The following DNAH3 variants were observed in gnomAD, a reference collection of about 807,000 sequenced individuals.
DNAH3 encodes dynein axonemal heavy chain 3.
In DNAH3, 332 loss-of-function variants were observed where a neutral mutation model predicts 432.5. The ratio of observed to expected loss-of-function variants is 0.77; its 90% CI spans 0.70 to 0.84. The LOEUF (loss-of-function observed/expected upper bound fraction) is 0.84. Ranked by LOEUF, DNAH3 falls within the 40% of genes least tolerant of loss-of-function variation. The probability of loss-of-function intolerance (pLI) is 0.00; values close to 1 mark genes in which losing one functional copy is unlikely to be tolerated. For missense variants in DNAH3, 4,861 were observed against 5,114.0 expected (o/e 0.95, Z 1.51); for synonymous variants, 1,956 against 1,900.2 (o/e 1.03, Z -0.76).
At chr16:21,037,071 G>A (rs1032813618) in intron 34 of DNAH3, among the ~76,000 whole-genome samples, 1 of 152,198 alleles carries the variant, frequency 6.6e-6, no homozygotes, top group Non-Finnish European at 1.5e-5. Flanking sequence ...CACTTTGGGT[G>A]ACCGAGGTGG....
At chr16:21,014,932 A>C (rs550427378) in intron 41 of DNAH3, among the ~76,000 whole-genome samples, 8 of 126,950 alleles carry the variant, frequency 6.3e-5, no homozygotes, top group African/African-American at 2.7e-4. Context: ...CCAAAGAAAT[A>C]AAAAACAGTC....
exon 15 of DNAH3, chr16:21,106,601 G>A: frequency 6.2e-7 from 1 of 1,610,844 alleles, no homozygotes; most frequent in Non-Finnish European, 8.5e-7. Flanking sequence ...AATTCAATGA[G>A]GGATACCAGC....
intron 29 of DNAH3, 62 bp downstream of exon 29, chr16:21,051,608 C>G: frequency 6.4e-7 from 1 of 1,550,758 alleles, no homozygotes; most frequent in Non-Finnish European, 8.9e-7. Flanking sequence ...CTTTCCTCCC[C>G]AGAGTCTTCT....
chr16:21,073,311 T>C (rs2090859864), intron 21 of DNAH3, among the ~76,000 whole-genome samples: 1 of 152,166 alleles, frequency 6.6e-6, no homozygotes, highest in Non-Finnish European at 1.5e-5. Flanking sequence ...ACTCTGCAGA[T>C]TGGCCAGGTA....
chr16:21,066,508 T>C (rs758199117), intron 24 of DNAH3, among the ~76,000 whole-genome samples: 33 of 152,054 alleles, frequency 2.2e-4, no homozygotes, highest in Non-Finnish European at 3.8e-4. Context: ...GCTGGGACCA[T>C]GGGCAAACAC....
exon 53 of DNAH3, chr16:20,963,617 T>C (rs780334765): frequency 7.4e-6 from 12 of 1,613,760 alleles, no homozygotes; most frequent in Admixed American, 1.7e-5. Flanking sequence ...GCACGGACAA[T>C]CTCTGCCCAT....
chr16:20,972,245 T>C (rs1034826077), intron 51 of DNAH3, among the ~76,000 whole-genome samples: 2 of 151,924 alleles, frequency 1.3e-5, no homozygotes, highest in Non-Finnish European at 2.9e-5. Flanking sequence ...TCTCTTTTTT[T>C]TTTTTTGAGA....
chr16:20,977,406 AAAAC>A (rs2085645975), intron 50 of DNAH3, among the ~76,000 whole-genome samples: 1 of 152,132 alleles, frequency 6.6e-6, no homozygotes, highest in African/African-American at 2.4e-5. Flanking sequence ...AAACAAACAA[AAAAC>A]CATTAGCTTT....
rs892881325 is a variant in DNAH3, at chr16:21,112,246, A to C, written c.1815-148T>G. 2.0e-5 allele frequency: 12 copies of C among 614,884 alleles called. No homozygotes were observed. The African/African-American group carries it at 2.0e-4, about 10-fold the overall frequency. The allele number at this position is 614,884 out of a possible 1,614,324, so 38.1% of individuals were successfully genotyped here. A position where few individuals can be genotyped will look rare whatever the true frequency, so the allele number is the denominator to read the frequency against. On this transcript the variant is annotated intron_variant, in intron 12 of 61. Transcript: ENST00000261383. ...ACTATAATGTGGCAAAAGTTTCATT[A>C]AACAGAGAACTCAGAATTTTGGCTC...
intron 39 of DNAH3, among the ~76,000 whole-genome samples, chr16:21,022,691 C>T (rs2088306352): frequency 6.6e-6 from 1 of 151,240 alleles, no homozygotes; most frequent in Admixed American, 6.6e-5. Context: ...TCTTGTAATG[C>T]TTTTTTAAAC....
chr16:20,980,265 T>TATACATCATATATTATAATATACATCA (rs1356506403), intron 49 of DNAH3, among the ~76,000 whole-genome samples: 9 of 132,542 alleles, frequency 6.8e-5, no homozygotes, highest in African/African-American at 2.2e-4. Flanking sequence ...ATATATTATA[T>TATACATCATATATTATAATATACATCA]TATAATATAC....
exon 18 of DNAH3, chr16:21,097,435 A>G (rs1455179476): frequency 1.2e-6 from 2 of 1,613,830 alleles, no homozygotes; most frequent in East Asian, 2.2e-5. Flanking sequence ...GTTCTTCAGC[A>G]TGGCCTGCAG....
Position 21,072,293 on chromosome 16 carries a change from G to A in DNAH3, c.3085-1467C>T, listed in dbSNP as rs1229748750. ...AAGTTTTAGGGTGCATGTGCACAAC[G>A]TGCAGGTTGGTTACATATGTATACA... On this transcript the variant is annotated intron_variant, in intron 21 of 61. Transcript: ENST00000261383. 2.0e-5 allele frequency among the ~76,000 whole-genome samples: 3 copies of A among 151,972 alleles called. No individual in the cohort carries two copies. In the East Asian group the frequency reaches 5.8e-4, roughly 29 times the overall value.
At position 21,031,086 on chromosome 16, in the gene DNAH3, A is replaced by G. The variant is rs1282952431; in HGVS notation, c.5398T>C (p.Trp1800Arg). ...AGAACAGTGTTCATATTTTCAATCC[A>G]AATAGCATCCACTGGCCCATCAAAT... Residue 1800 changes from tryptophan to arginine, a missense_variant, in exon 37 of 62, where the codon TGG (tryptophan) becomes CGG (arginine). Trp to Arg is a moderately radical substitution (Grantham distance 101, BLOSUM62 -3). Transcript: ENST00000261383. 5.6e-6 allele frequency: 9 copies of G among 1,614,088 alleles called. No homozygotes were observed. In the East Asian group the frequency reaches 2.0e-4, roughly 36 times the overall value.
At chr16:21,127,798 C>T in exon 8 of DNAH3, 3 of 1,614,010 alleles carry the variant, frequency 1.9e-6, no homozygotes, top group Non-Finnish European at 2.5e-6. Context: ...TCGAACAAAC[C>T]TGAGGTCTCT....
At chr16:20,934,768 T>C (rs1231390266) in intron 61 of DNAH3, among the ~76,000 whole-genome samples, 2 of 152,190 alleles carry the variant, frequency 1.3e-5, no homozygotes, top group Non-Finnish European at 2.9e-5. Flanking sequence ...CTAGTCATTT[T>C]TTTTCTTGTT....
chr16:20,999,060 C>T (rs1238830612), intron 43 of DNAH3, among the ~76,000 whole-genome samples: 1 of 152,030 alleles, frequency 6.6e-6, no homozygotes, highest in Non-Finnish European at 1.5e-5. Flanking sequence ...AGTTCGACCA[C>T]CTGGGTAACA....
intron 52 of DNAH3, among the ~76,000 whole-genome samples, chr16:20,967,944 G>A (rs1567548128): frequency 6.6e-6 from 1 of 152,140 alleles, no homozygotes; most frequent in Non-Finnish European, 1.5e-5. Flanking sequence ...TGTAACATCT[G>A]CTCTTTGCTT....
chr16:21,108,959 T>C (rs1176342299), intron 14 of DNAH3, among the ~76,000 whole-genome samples: 1 of 151,010 alleles, frequency 6.6e-6, no homozygotes, highest in African/African-American at 2.4e-5. Context: ...CTGTCTCTAC[T>C]AAAAATACAA....
Sources: allele counts gnomAD v4.1 joint callset (sites outside exome capture counted in the v4.1 genomes callset), GRCh38; gene constraint gnomAD v4.1.1; transcripts MANE v1.5; gene names NCBI Gene and HGNC (gene_info 2026-07-23, HGNC 2026-07-21).